The following KRT71 variants were observed in gnomAD, a reference collection of about 807,000 sequenced individuals.
KRT71 encodes the protein keratin, type II cytoskeletal 71.
KRT71 carries 42 observed loss-of-function variants against 46.2 expected under a neutral mutation model. The ratio of observed to expected loss-of-function variants is 0.91; its 90% CI spans 0.71 to 1.18. The LOEUF (loss-of-function observed/expected upper bound fraction) is 1.18. Among genes scored for constraint, KRT71 ranks in the 50% most tolerant of loss-of-function variants. The pLI, the probability that KRT71 is intolerant of heterozygous loss-of-function variation, is 0.00. For missense variants in KRT71, 708 were observed against 677.9 expected, an observed-to-expected ratio of 1.04 and a Z score of -0.49; for synonymous variants, 292 against 277.8, an observed-to-expected ratio of 1.05 and a Z score of -0.51.
intron 6 of KRT71, among the ~76,000 whole-genome samples, chr12:52,547,148 T>A (rs1939071065): frequency 6.6e-6 from 1 of 152,180 alleles, no homozygotes; most frequent in Non-Finnish European, 1.5e-5. Context: ...TTGGTTCAGA[T>A]CACAGCTCTG....
rs1939105310 is a variant in KRT71 at position 52,548,742 on chromosome 12, T to C, written c.772A>G (p.Met258Val). 2 of 1,614,206 alleles carry C rather than the reference T, an allele frequency of 1.2e-6. No individual in the cohort carries two copies. Among genetic ancestry groups the C allele is most frequent in the African/African-American group, 2.7e-5 (2 of 75,058 alleles). The change falls in exon 4 of 9, where the codon ATG becomes GTG. Residue 258 changes from methionine (M) to valine (V), a missense_variant. Met to Val is a conservative substitution (Grantham distance 21). Coordinates refer to ENST00000267119, the MANE Select transcript of KRT71 (RefSeq NM_033448.3). ...KVELQAKVES[M>V]DQEIKFFRCL... ...CTGAAGAACTTGATCTCCTGGTCCA[T>C]GGATTCCACCTTGGCCTGCAGTTCC...
intron 5 of KRT71, 41 bp downstream of exon 5, chr12:52,548,111 G>A (rs201054273): frequency 8.1e-6 from 13 of 1,605,980 alleles, no homozygotes; most frequent in East Asian, 4.5e-5. Context: ...TCTGCTGCCC[G>A]CTGGCATCAC....
In KRT71 at chr12:52,547,819, C is replaced by T. The variant is rs1246079647; in HGVS notation, c.1104+38G>A. 7.5e-6 allele frequency: 12 copies of T among 1,609,844 alleles called. 1 individual carries two copies. The South Asian group carries it at 1.2e-4, about 16-fold the overall frequency. ...TCATCTCCCCTCTACTCATGCTCCC[C>T]TGCACTTGACCACAGGCCAAGGCCA... On this transcript the variant is annotated intron_variant, in intron 6 of 8. Transcript: ENST00000267119.
intron 1 of KRT71, among the ~76,000 whole-genome samples, chr12:52,551,342 A>T (rs1006864169): frequency 2.0e-5 from 3 of 152,060 alleles, no homozygotes; most frequent in African/African-American, 7.3e-5. Context: ...GACCCTCCTC[A>T]TGTTCATCTT....
Position 52,546,274 on chromosome 12 carries a change from C to G in KRT71, c.1325+12G>C. ...CCCCTGGGGCCCTCCTGTCTGGGCA[C>G]GCCCCGCCCACCTGCACTCCTCGCT... is the stretch of plus-strand genomic sequence containing the variant. On this transcript the variant is annotated intron_variant, in intron 7 of 8. Coordinates refer to ENST00000267119, the MANE Select transcript of KRT71 (RefSeq NM_033448.3). The G allele has an allele frequency of 3.1e-6, 5 of 1,613,564 alleles. No individual in the cohort carries two copies. The highest frequency in any genetic ancestry group is 4.2e-6 in the Non-Finnish European group (5 of 1,179,638).
rs2292507 is a variant in KRT71, at chr12:52,544,580, T to C, written c.1524A>G (p.Leu508=). The C allele has an allele frequency of 0.48, 774,142 of 1,613,698 alleles. 194,874 individuals are homozygous for C. Among genetic ancestry groups the C allele is most frequent in the Middle Eastern group, 0.55 (3,320 of 6,060 alleles). The part of the protein sequence containing the change: ...RGSANDYKDT[L]GKGSSLSAPS... Reference sequence around the variant, plus strand: ...GTGCACTCAGGCTGGAACCCTTCCCTAGGGTGTCTTTGTAATCGTTGGCAC... The same window carrying C: ...GTGCACTCAGGCTGGAACCCTTCCCCAGGGTGTCTTTGTAATCGTTGGCAC... The change falls in exon 9 of 9, where the codon CTA becomes CTG. Residue 508 remains leucine, a synonymous_variant. Coordinates refer to ENST00000267119, the MANE Select transcript of KRT71 (RefSeq NM_033448.3).
rs1403197590 is a variant in KRT71, at chr12:52,547,942, TC to T, written c.1018del (p.Asp340ThrfsTer26). 1 of 1,614,206 alleles carries T rather than the reference TC, an allele frequency of 6.2e-7. No individual in the cohort carries two copies. ...GATTTCATTCTTGGTGTTTTTGAGGTCGTCCCCATGCCTGCCAGCTGCCAGC... is the reference window on the plus strand; with the variant it reads ...GATTTCATTCTTGGTGTTTTTGAGGTGTCCCCATGCCTGCCAGCTGCCAGC... ...LQLAAGRHGD[D>X]LKNTKNEISE... On this transcript the variant is annotated frameshift_variant, in exon 6 of 9. Transcript: ENST00000267119. LOFTEE classifies it high-confidence loss of function.
intron 4 of KRT71, 89 bp downstream of exon 4, chr12:52,548,612 G>A: frequency 8.5e-7 from 1 of 1,172,142 alleles, no homozygotes; most frequent in South Asian, 1.3e-5. Context: ...CTCACTGAGG[G>A]CTGGGGCCTC....
intron 1 of KRT71, among the ~76,000 whole-genome samples, chr12:52,552,310 G>A (rs927556517): frequency 6.6e-6 from 1 of 152,376 alleles, no homozygotes; most frequent in East Asian, 1.9e-4. Context: ...TACTCTGGGC[G>A]AGACTGGCTC....
At chr12:52,545,498 G>C (rs1294306204) in intron 8 of KRT71, 67 bp downstream of exon 8, 2 of 914,368 alleles carry the variant, frequency 2.2e-6, no homozygotes, top group African/African-American at 3.3e-5. Flanking sequence ...GCACACAGAG[G>C]GTGTCACTAA....
chr12:52,547,915 G>A lies in KRT71; in HGVS notation c.1046C>T (p.Ser349Leu), dbSNP rs141534890. Residue 349 changes from serine to leucine, a missense_variant, in exon 6 of 9, where the codon TCG becomes TTG. Transcript: ENST00000267119. ...DDLKNTKNEISELTRLIQRIR... is the reference protein window; with the variant it reads ...DDLKNTKNEILELTRLIQRIR... ...TCTCTGGATGAGCCGAGTGAGCTCC[G>A]AGATTTCATTCTTGGTGTTTTTGAG... The A allele has an allele frequency of 2.5e-3, 4,002 of 1,614,158 alleles. 9 individuals carry two copies. Among genetic ancestry groups the A allele is most frequent in the Non-Finnish European group, 3.2e-3 (3,742 of 1,180,032 alleles).
Position 52,545,606 on chromosome 12 carries a change from AG to A in KRT71, c.1326-8del. 6.7e-7 allele frequency: 1 copy of A among 1,499,040 alleles called. No homozygotes were observed. Among genetic ancestry groups the A allele is most frequent in the Non-Finnish European group, 9.2e-7 (1 of 1,082,650 alleles). 92.9% of individuals were successfully genotyped at this position (1,499,040 alleles called of 1,614,324 possible). On this transcript the variant is annotated splice_polypyrimidine_tract_variant and splice_region_variant and intron_variant, in intron 7 of 8. Transcript: ENST00000267119. ...GGGAAATTCTCCTGACATCCTATTA[AG>A]GAGAGAAATAAAATAAGAGGAGAAG...
Position 52,545,592 on chromosome 12 carries a change from C to A in KRT71, c.1333G>T (p.Gly445Ter), listed in dbSNP as rs1939044511. The change falls in exon 8 of 9, where the codon GGA becomes TGA. Residue 445 changes from glycine (G) to a stop codon, truncating the protein, a stop_gained. Transcript: ENST00000267119. LOFTEE classifies it low-confidence loss of function (END_TRUNC). ...ATGCTGACAGGGGAGGGAAATTCTC[C>A]TGACATCCTATTAAGGAGAGAAATA... ...LLESEECRMS[G>*]EFPSPVSISI... 3.2e-6 allele frequency: 5 copies of A among 1,544,202 alleles called. No individual in the cohort carries two copies. Among genetic ancestry groups the A allele is most frequent in the Non-Finnish European group, 4.5e-6 (5 of 1,120,042 alleles).
rs1939101906 is a variant in KRT71 at position 52,548,615 on chromosome 12, G to A, written c.813+86C>T. 9 of 1,200,400 alleles carry A rather than the reference G, an allele frequency of 7.5e-6. No homozygotes were observed. In the East Asian group the frequency reaches 1.9e-4, roughly 25 times the overall value. 74.4% of individuals were successfully genotyped at this position (1,200,400 alleles called of 1,614,324 possible). On this transcript the variant is annotated intron_variant, in intron 4 of 8. Coordinates refer to ENST00000267119, the MANE Select transcript of KRT71 (RefSeq NM_033448.3). ...TAACTGAGGGGTCTCACTGAGGGCT[G>A]GGGCCTCCATGTCTCCTGCAGCCCC...
intron 1 of KRT71, among the ~76,000 whole-genome samples, chr12:52,551,496 G>T (rs4761931): frequency 6.6e-5 from 10 of 152,208 alleles, no homozygotes; most frequent in South Asian, 4.2e-4. Context: ...ATAAGAAGCC[G>T]CAGAGCCAGT....
Position 52,547,903 on chromosome 12 carries a change from C to A in KRT71, c.1058G>T (p.Arg353Leu), listed in dbSNP as rs1272540966. 2.5e-6 allele frequency: 4 copies of A among 1,614,052 alleles called. No homozygotes were observed. In the Admixed American group the frequency reaches 6.7e-5, roughly 27 times the overall value. The change falls in exon 6 of 9, where the codon CGG becomes CTG. Residue 353 changes from arginine to leucine, a missense_variant. Transcript: ENST00000267119. ...CTCTGAGCGGATTCTCTGGATGAGC[C>A]GAGTGAGCTCCGAGATTTCATTCTT... ...NTKNEISELT[R>L]LIQRIRSEIE... is the part of the protein sequence containing the mutation.
At chr12:52,545,680 T>C in intron 7 of KRT71, 81 bp from the exon 8 acceptor site, 1 of 884,516 alleles carries the variant, frequency 1.1e-6, no homozygotes, top group Non-Finnish European at 1.8e-6. Context: ...ACCATCAGCC[T>C]TATGTGGGTT....
chr12:52,552,609 C>T (rs1168388269), intron 1 of KRT71, 28 bp downstream of exon 1: 12 of 1,582,928 alleles, frequency 7.6e-6, no homozygotes, highest in African/African-American at 1.4e-5. Flanking sequence ...GGGCTGTTCA[C>T]AAGTTCCCCA....
At chr12:52,549,385 A>G in intron 2 of KRT71, 32 bp from the exon 3 acceptor site, 1 of 1,577,060 alleles carries the variant, frequency 6.3e-7, no homozygotes, top group Non-Finnish European at 8.7e-7. Flanking sequence ...ATTGGTTAAT[A>G]TCTCACTGAA....
Sources: allele counts gnomAD v4.1 joint callset (sites outside exome capture counted in the v4.1 genomes callset), GRCh38; gene constraint gnomAD v4.1.1; transcripts MANE v1.5; gene names NCBI Gene and HGNC (gene_info 2026-07-23, HGNC 2026-07-21).